Variants in SERINC5 observed in about 807,000 individuals in gnomAD.
The protein encoded by SERINC5 is chromosome 5 open reading frame 12.
A neutral mutation model predicts 63.1 loss-of-function variants in SERINC5; 41 were observed. That is an observed-to-expected ratio of 0.65 (90% CI 0.51 to 0.84). The LOEUF is 0.84. Among genes scored for constraint, SERINC5 ranks in the 40% least tolerant of loss-of-function variants. The probability of loss-of-function intolerance (pLI) is 0.00; values close to 1 mark genes in which losing one functional copy is unlikely to be tolerated. For synonymous variants in SERINC5, 222 were observed against 215.2 expected (o/e 1.03, Z -0.28); for missense variants, 523 against 573.0 (o/e 0.91, Z 0.89).
chr5:80,170,846 T>C (rs1318096918), intron 5 of SERINC5, among the ~76,000 whole-genome samples: 1 of 152,078 alleles, frequency 6.6e-6, no homozygotes, highest in African/African-American at 2.4e-5. Flanking sequence ...CAAAACCTTG[T>C]CTCTACAAAA....
intron 1 of SERINC5, among the ~76,000 whole-genome samples, chr5:80,246,369 A>T (rs1158397094): frequency 6.6e-6 from 1 of 152,182 alleles, no homozygotes; most frequent in Non-Finnish European, 1.5e-5. Flanking sequence ...GCTAGTTTAT[A>T]AAAAAATGAT....
At chr5:80,183,736 C>T (rs1022148991) in intron 2 of SERINC5, among the ~76,000 whole-genome samples, 3 of 152,112 alleles carry the variant, frequency 2.0e-5, no homozygotes, top group Non-Finnish European at 4.4e-5. Flanking sequence ...CCCCCTTTGA[C>T]TGTAATTTTC....
chr5:80,178,691 C>A (rs1464544145), intron 2 of SERINC5, among the ~76,000 whole-genome samples: 1 of 151,504 alleles, frequency 6.6e-6, no homozygotes, highest in African/African-American at 2.4e-5. Context: ...CCTAAAATCC[C>A]ATTTCAATAC....
At position 80,203,257 on chromosome 5, in the gene SERINC5, C is replaced by CACATAT. The variant is rs1554067829; in HGVS notation, c.28-205_28-204insATATGT. The CACATAT allele has an allele frequency of 5.4e-5, 14 of 257,622 alleles. 1 individual carries two copies. Among genetic ancestry groups the CACATAT allele is most frequent in the African/African-American group, 1.3e-4 (6 of 44,452 alleles). The allele number at this position is 257,622 out of a possible 1,614,324, so 16.0% of individuals were successfully genotyped here. On this transcript the variant is annotated intron_variant, in intron 1 of 11. Coordinates refer to ENST00000507668, the MANE Select transcript of SERINC5 (RefSeq NM_001174072.3). ...CTGTCTCTAAATAAATATATATACA[C>CACATAT]ATATATATATATATGTGTATATATA... is the stretch of plus-strand genomic sequence containing the variant.
chr5:80,174,978 A>G lies in SERINC5; in HGVS notation c.527T>C (p.Phe176Ser). 1 of 1,602,194 alleles carries G rather than the reference A, an allele frequency of 6.2e-7. No homozygotes were observed. Among genetic ancestry groups the G allele is most frequent in the African/African-American group, 1.3e-5 (1 of 74,880 alleles). ...CCAGTTCTTGTTCCACTTATGTGCA[A>G]ACTCCACGAGCAGGAGGAGCTGGAT... ...IGIQLLLLVE[F>S]AHKWNKNWTA... Residue 176 changes from phenylalanine to serine, a missense_variant, in exon 5 of 12, where the codon TTT becomes TCT. By Grantham distance (155) the Phe-to-Ser change is radical. Coordinates refer to ENST00000507668, the MANE Select transcript of SERINC5 (RefSeq NM_001174072.3).
chr5:80,149,280 C>T (rs1002229768), intron 9 of SERINC5, among the ~76,000 whole-genome samples: 2 of 152,194 alleles, frequency 1.3e-5, no homozygotes, highest in African/African-American at 2.4e-5. Flanking sequence ...TGAGAATAAA[C>T]ACCCCTTCTA....
At position 80,142,898 on chromosome 5, in the gene SERINC5, G is replaced by T; in HGVS notation, c.*765C>A. 1.0e-6 allele frequency: 1 copy of T among 985,396 alleles called. No individual in the cohort carries two copies. The highest frequency in any genetic ancestry group is 4.7e-5 in the South Asian group (1 of 21,292). 61.0% of individuals were successfully genotyped at this position (985,396 alleles called of 1,614,324 possible). On this transcript the variant is annotated 3_prime_UTR_variant, in exon 12 of 12. Transcript: ENST00000507668. ...ATCATGTGAATAACACCATAAATAAGCGCCGTACTTATTGCAGTAACTCGG... is the reference window on the plus strand; with the variant it reads ...ATCATGTGAATAACACCATAAATAATCGCCGTACTTATTGCAGTAACTCGG...
At chr5:80,182,630 C>G (rs1162311952) in intron 2 of SERINC5, among the ~76,000 whole-genome samples, 1 of 150,678 alleles carries the variant, frequency 6.6e-6, no homozygotes, top group East Asian at 2.0e-4. Context: ...ACTGCAACCT[C>G]TGCCTCCCAG....
chr5:80,189,192 G>C (rs987036534), intron 2 of SERINC5, among the ~76,000 whole-genome samples: 1 of 152,100 alleles, frequency 6.6e-6, no homozygotes, highest in African/African-American at 2.4e-5. Flanking sequence ...CCATAAGAAG[G>C]GTTTTGGAAA....
Position 80,139,419 on chromosome 5 carries a change from T to G in SERINC5, c.*4244A>C, listed in dbSNP as rs1370248361. 1.0e-6 allele frequency: 1 copy of G among 984,444 alleles called. No homozygotes were observed. 61.0% of individuals were successfully genotyped at this position (984,444 alleles called of 1,614,324 possible). On this transcript the variant is annotated 3_prime_UTR_variant, in exon 12 of 12. Transcript: ENST00000507668. ...TCTTCCATCATTTTACTCATGTGAA[T>G]ATGATTAAACTCCTATAGAAGTGGA... is the stretch of plus-strand genomic sequence containing the variant.
intron 2 of SERINC5, among the ~76,000 whole-genome samples, chr5:80,184,725 C>A (rs921213153): frequency 6.6e-6 from 1 of 152,140 alleles, no homozygotes; most frequent in Non-Finnish European, 1.5e-5. Context: ...ATTTGCTGTT[C>A]CAAAGTCCAC....
At chr5:80,154,880 T>C (rs773660122) in intron 8 of SERINC5, among the ~76,000 whole-genome samples, 4 of 152,214 alleles carry the variant, frequency 2.6e-5, no homozygotes, top group Non-Finnish European at 4.4e-5. Context: ...GCAAATGCCT[T>C]GTAATAATAT....
In SERINC5 at chr5:80,255,974, C is replaced by A; in HGVS notation, c.-52G>T. The A allele has an allele frequency of 6.7e-7, 1 of 1,483,730 alleles. No homozygotes were observed. The highest frequency in any genetic ancestry group is 1.3e-5 in the South Asian group (1 of 77,548). 91.9% of individuals were successfully genotyped at this position (1,483,730 alleles called of 1,614,324 possible). On this transcript the variant is annotated 5_prime_UTR_variant, in exon 1 of 12. Coordinates refer to ENST00000507668, the MANE Select transcript of SERINC5 (RefSeq NM_001174072.3). ...TCGCTGGCTCCCCGCGCCGCACGGGCCCTCCTGGCTGCCTCGCGCCTCGAG... is the reference window on the plus strand; with the variant it reads ...TCGCTGGCTCCCCGCGCCGCACGGGACCTCCTGGCTGCCTCGCGCCTCGAG...
At chr5:80,224,129 G>A (rs1456432800) in intron 1 of SERINC5, among the ~76,000 whole-genome samples, 9 of 65,212 alleles carry the variant, frequency 1.4e-4, no homozygotes, top group Non-Finnish European at 2.3e-4. Flanking sequence ...ACAAAACTCC[G>A]TCTCAAAAAA....
chr5:80,206,129 A>AGATTTTATTG (rs1750151873), intron 1 of SERINC5, among the ~76,000 whole-genome samples: 1 of 152,172 alleles, frequency 6.6e-6, no homozygotes, highest in Non-Finnish European at 1.5e-5. Flanking sequence ...AGAAATTACC[A>AGATTTTATTG]TAAACTGCAG....
rs769598012 is a variant in SERINC5 at position 80,166,449 on chromosome 5, CT to C, written c.792del (p.Val266SerfsTer2). On this transcript the variant is annotated frameshift_variant, in exon 7 of 12. Transcript: ENST00000507668. LOFTEE classifies it high-confidence loss of function. ...NRQPHSGLLQ[S>X]GVISCYVTYL... ...TAGGTGACATAGCAGCTTATGACCC[CT>C]GATTGTAAGAGCCCCGAGTGTGGCT... 1 of 1,595,244 alleles carries C rather than the reference CT, an allele frequency of 6.3e-7. No individual in the cohort carries two copies. The highest frequency in any genetic ancestry group is 8.5e-7 in the Non-Finnish European group (1 of 1,170,776).
chr5:80,181,184 A>G (rs1178232132), intron 2 of SERINC5, among the ~76,000 whole-genome samples: 1 of 152,154 alleles, frequency 6.6e-6, no homozygotes, highest in Non-Finnish European at 1.5e-5. Context: ...CATTTGGCAT[A>G]AAGAGTTTGG....
At chr5:80,118,737 T>G (rs796212569) in intron 11 of SERINC5, among the ~76,000 whole-genome samples, 5 of 120,302 alleles carry the variant, frequency 4.2e-5, no homozygotes, top group African/African-American at 1.2e-4. Context: ...TTTTTTTTTG[T>G]AGAGATGGGG....
intron 1 of SERINC5, among the ~76,000 whole-genome samples, chr5:80,230,629 A>C (rs1271806893): frequency 6.6e-6 from 1 of 152,120 alleles, no homozygotes; most frequent in African/African-American, 2.4e-5. Flanking sequence ...CTGTGACACC[A>C]GCACAATCTC....
Sources: gnomAD v4.1 joint callset for allele counts (sites outside exome capture counted in the v4.1 genomes callset) on GRCh38, gnomAD v4.1.1 for gene constraint, MANE v1.5 for transcripts, NCBI Gene and HGNC (gene_info 2026-07-23, HGNC 2026-07-21) for gene names.